RALYL: variants seen among roughly 807,000 people sequenced by gnomAD.
RALYL encodes the protein RALY RNA binding protein like, also known as RNA-binding Raly-like protein.
Under a neutral mutation model 35.1 loss-of-function variants are expected in RALYL, and 29 were observed. The ratio of observed to expected loss-of-function variants is 0.83; its 90% CI spans 0.61 to 1.13. RALYL has a LOEUF of 1.13. Ranked by LOEUF, RALYL falls within the 50% of genes most tolerant of loss-of-function variation. The pLI is 0.00. For synonymous variants in RALYL, 120 were observed against 127.6 expected, an observed-to-expected ratio of 0.94 and a Z score of 0.40; for missense variants, 359 against 360.4, an observed-to-expected ratio of 1.00 and a Z score of 0.03.
chr8:84,811,418 C>T (rs563712785), intron 4 of RALYL, among the ~76,000 whole-genome samples: 32 of 152,222 alleles, frequency 2.1e-4, no homozygotes, highest in African/African-American at 6.7e-4. Flanking sequence ...TGTAGGTTAC[C>T]TGGTGCTTCT....
At chr8:84,227,671 A>AT (rs1464825988) in intron 1 of RALYL, among the ~76,000 whole-genome samples, 2 of 152,034 alleles carry the variant, frequency 1.3e-5, no homozygotes, top group East Asian at 1.9e-4. Flanking sequence ...ATGTGATGGT[A>AT]TTTTTTCTTT....
intron 1 of RALYL, among the ~76,000 whole-genome samples, chr8:84,479,083 C>T (rs1178422693): frequency 2.8e-5 from 1 of 35,716 alleles, no homozygotes; most frequent in Non-Finnish European, 5.2e-5. Flanking sequence ...AAGACTCCGT[C>T]TCAAAAAAAA....
At chr8:84,841,215 G>A (rs1365840744) in intron 4 of RALYL, among the ~76,000 whole-genome samples, 1 of 152,156 alleles carries the variant, frequency 6.6e-6, no homozygotes, top group Non-Finnish European at 1.5e-5. Context: ...GCTGTATTCA[G>A]GAAACCCATC....
intron 2 of RALYL, among the ~76,000 whole-genome samples, chr8:84,552,119 G>GTT (rs35344751): frequency 2.7e-4 from 39 of 142,434 alleles, no homozygotes; most frequent in African/African-American, 9.7e-4. Flanking sequence ...AGGAGAGGAA[G>GTT]TTTTTTTTTT....
At chr8:84,539,826 A>C (rs1459265938) in intron 2 of RALYL, among the ~76,000 whole-genome samples, 60 of 41,480 alleles carry the variant, frequency 1.4e-3, no homozygotes, top group African/African-American at 5.0e-3. Context: ...TTAAGTGATC[A>C]AGTATACATA....
intron 2 of RALYL, among the ~76,000 whole-genome samples, chr8:84,740,328 G>A (rs1848051452): frequency 6.6e-6 from 1 of 151,904 alleles, no homozygotes; most frequent in Non-Finnish European, 1.5e-5. Context: ...AAAAGATTAA[G>A]TATTGAAGGT....
chr8:84,401,065 T>TC (rs992716782), intron 1 of RALYL, among the ~76,000 whole-genome samples: 2 of 152,104 alleles, frequency 1.3e-5, no homozygotes, highest in African/African-American at 4.8e-5. Context: ...ATAAGCTTTT[T>TC]CCCCCAATGG....
chr8:84,419,412 A>T (rs1401568566), intron 1 of RALYL, among the ~76,000 whole-genome samples: 2 of 151,704 alleles, frequency 1.3e-5, no homozygotes, highest in African/African-American at 4.8e-5. Flanking sequence ...CCTTTCCAAC[A>T]TTTTCATTGT....
chr8:84,676,834 G>T (rs1055563581), intron 2 of RALYL, among the ~76,000 whole-genome samples: 2 of 151,528 alleles, frequency 1.3e-5, no homozygotes, highest in Admixed American at 1.3e-4. Context: ...ACAGAGTCTC[G>T]CTTTGTCACC....
intron 1 of RALYL, among the ~76,000 whole-genome samples, chr8:84,351,362 T>C (rs1191925744): frequency 2.7e-5 from 4 of 150,432 alleles, no homozygotes; most frequent in Non-Finnish European, 4.4e-5. Flanking sequence ...ATGTGATTTA[T>C]TTTAAATGTG....
intron 8 of RALYL, among the ~76,000 whole-genome samples, chr8:84,913,464 T>A (rs1220660949): frequency 6.6e-6 from 1 of 152,074 alleles, no homozygotes; most frequent in Non-Finnish European, 1.5e-5. Flanking sequence ...TTTATCTTGA[T>A]CTATACCAGG....
In RALYL at chr8:84,276,795, T is replaced by A. The variant is rs112759482; in HGVS notation, c.-24+92371T>A. ...TCATTCTTCAGGGACAGGAAAGAGT[T>A]GTATTGTGACTGAAGAATAAAACAA... On this transcript the variant is annotated intron_variant, in intron 1 of 8. Transcript: ENST00000521268. Among the ~76,000 whole-genome samples the A allele has an allele frequency of 3.1e-3, 476 of 152,342 alleles. 5 individuals carry two copies. The highest frequency in any genetic ancestry group is 0.011 in the African/African-American group (461 of 41,586).
chr8:84,615,570 CTTTTTTTTT>C (rs60428128), intron 2 of RALYL, among the ~76,000 whole-genome samples: 64 of 67,390 alleles, frequency 9.5e-4, no homozygotes, highest in African/African-American at 3.9e-3. Context: ...GAACTTTCGT[CTTTTTTTTT>C]TTTTTTTTTT....
intron 1 of RALYL, among the ~76,000 whole-genome samples, chr8:84,228,154 CAAAAAA>C (rs57543989): frequency 0.48 from 59,582 of 123,800 alleles, 12,396 homozygotes; most frequent in Admixed American, 0.53. Context: ...AATAGTCTAG[CAAAAAA>C]AAAAAAAAAA....
chr8:84,590,781 A>G lies in RALYL; in HGVS notation c.256+61204A>G, dbSNP rs529583601. On this transcript the variant is annotated intron_variant, in intron 2 of 8. Transcript: ENST00000521268. ...ACTATGTCGGGAAAGTTGATTATAT[A>G]AAAAGCATTTCTGCAGTCAAACCTG... is the stretch of plus-strand genomic sequence containing the variant. 1.3e-4 allele frequency among the ~76,000 whole-genome samples: 20 copies of G among 152,306 alleles called. No homozygotes were observed. The South Asian group carries it at 3.3e-3, about 25-fold the overall frequency.
intron 1 of RALYL, among the ~76,000 whole-genome samples, chr8:84,295,143 G>T (rs1188488958): frequency 6.6e-6 from 1 of 152,128 alleles, no homozygotes; most frequent in African/African-American, 2.4e-5. Flanking sequence ...TTGGGGTGGG[G>T]AGAGTAAAAG....
intron 2 of RALYL, among the ~76,000 whole-genome samples, chr8:84,583,171 T>TGTTA (rs1177068186): frequency 6.6e-6 from 1 of 152,172 alleles, no homozygotes; most frequent in East Asian, 1.9e-4. Context: ...AATACAGTAA[T>TGTTA]GTTAGTCCTC....
chr8:84,684,770 T>G (rs1233404328), intron 2 of RALYL, among the ~76,000 whole-genome samples: 1 of 152,208 alleles, frequency 6.6e-6, no homozygotes, highest in African/African-American at 2.4e-5. Context: ...ATGGCATATA[T>G]GCATACCTTA....
At chr8:84,476,048 A>G (rs527433820) in intron 1 of RALYL, among the ~76,000 whole-genome samples, 2 of 152,312 alleles carry the variant, frequency 1.3e-5, no homozygotes, top group African/African-American at 4.8e-5. Context: ...AAAATGGTGA[A>G]TGAAATGGAT....
Sources: allele counts gnomAD v4.1 joint callset (sites outside exome capture counted in the v4.1 genomes callset), GRCh38; gene constraint gnomAD v4.1.1; transcripts MANE v1.5; gene names NCBI Gene and HGNC (gene_info 2026-07-23, HGNC 2026-07-21).